Variants in ZNF385D observed in about 807,000 individuals in gnomAD.
The protein encoded by ZNF385D is zinc finger protein 659.
Under a neutral mutation model 35.8 loss-of-function variants are expected in ZNF385D, and 15 were observed. The observed-to-expected ratio is 0.42, with a 90% CI of 0.28 to 0.64. ZNF385D has a LOEUF of 0.64. ZNF385D is among the 30% of genes least tolerant of loss of function. The pLI is 0.23. For synonymous variants in ZNF385D, 212 were observed against 186.8 expected (o/e 1.13, Z -1.10); for missense variants, 474 against 494.6 (o/e 0.96, Z 0.39).
At chr3:21,749,210 A>G (rs773875441) in intron 1 of ZNF385D, among the ~76,000 whole-genome samples, 1 of 152,186 alleles carries the variant, frequency 6.6e-6, no homozygotes, top group Non-Finnish European at 1.5e-5. Flanking sequence ...GAAATTGATT[A>G]CCCTATGAAT....
At chr3:22,143,059 T>TTTTG (rs1421491512) in intron 3 of ZNF385D, among the ~76,000 whole-genome samples, 8 of 140,994 alleles carry the variant, frequency 5.7e-5, no homozygotes, top group African/African-American at 2.2e-4. Context: ...ATTAAATCGG[T>TTTTG]TGTGTGTGTG....
intron 3 of ZNF385D, among the ~76,000 whole-genome samples, chr3:22,066,364 G>T (rs547172191): frequency 1.7e-4 from 26 of 149,342 alleles, no homozygotes; most frequent in Non-Finnish European, 3.7e-4. Flanking sequence ...ATGGTTCCCT[G>T]TGTGTGTGTG....
chr3:21,609,741 G>C (rs889782096), intron 2 of ZNF385D, among the ~76,000 whole-genome samples: 7 of 152,192 alleles, frequency 4.6e-5, no homozygotes, highest in African/African-American at 1.7e-4. Context: ...TCAGGAAGCT[G>C]AAAGAGTGTG....
In ZNF385D at chr3:21,624,910, C is replaced by T. The variant is rs575035985; in HGVS notation, c.165+39976G>A. Among the ~76,000 whole-genome samples, 15 of 152,090 alleles carry T rather than the reference C, an allele frequency of 9.9e-5. No homozygotes were observed. In the East Asian group the frequency reaches 1.9e-3, roughly 20 times the overall value. ...TCTCCTTAGAGTGATCTGCCAAACCCGCCTTACCTTCATTCCCAGTCACAT... is the reference window on the plus strand; with the variant it reads ...TCTCCTTAGAGTGATCTGCCAAACCTGCCTTACCTTCATTCCCAGTCACAT... On this transcript the variant is annotated intron_variant, in intron 2 of 7. Transcript: ENST00000281523.
chr3:21,652,542 T>C (rs1346850453), intron 2 of ZNF385D, among the ~76,000 whole-genome samples: 1 of 152,160 alleles, frequency 6.6e-6, no homozygotes, highest in East Asian at 1.9e-4. Flanking sequence ...GTTACATATG[T>C]ATACATGTGC....
chr3:22,128,547 A>G (rs1703581854), intron 3 of ZNF385D, among the ~76,000 whole-genome samples: 2 of 152,002 alleles, frequency 1.3e-5, no homozygotes, highest in South Asian at 4.1e-4. Context: ...TAGATCTTGT[A>G]TGTGTGTCTT....
chr3:21,734,733 C>A (rs1334793734), intron 1 of ZNF385D, among the ~76,000 whole-genome samples: 1 of 152,064 alleles, frequency 6.6e-6, no homozygotes, highest in African/African-American at 2.4e-5. Context: ...TTGGACCCCA[C>A]GTGTCAGGAA....
chr3:22,288,123 C>T (rs961456362), intron 2 of ZNF385D, among the ~76,000 whole-genome samples: 2 of 152,024 alleles, frequency 1.3e-5, no homozygotes, highest in Admixed American at 6.6e-5. Context: ...AAAAAATCCA[C>T]TAATAGTTTT....
In ZNF385D at chr3:21,704,385, A is replaced by T. The variant is rs6784935; in HGVS notation, c.23-39357T>A. Among the ~76,000 whole-genome samples, 447 of 151,938 alleles carry T rather than the reference A, an allele frequency of 2.9e-3. 3 individuals carry two copies. Among genetic ancestry groups the T allele is most frequent in the African/African-American group, 0.01 (416 of 41,402 alleles). Reference sequence around the variant, plus strand: ...AACCCCCTCAGAGTCCCGAGCACACATTCCTGTAGTCACTGGGTTACCTGT... The same window carrying T: ...AACCCCCTCAGAGTCCCGAGCACACTTTCCTGTAGTCACTGGGTTACCTGT... On this transcript the variant is annotated intron_variant, in intron 1 of 7. Transcript: ENST00000281523.
At position 21,546,418 on chromosome 3, in the gene ZNF385D, A is replaced by G. The variant is rs568063389; in HGVS notation, c.276+18156T>C. ...AACCAAAGCCAAGCACCATTCACCC[A>G]AATCCCAGCAAGCCTAACTATAGCC... On this transcript the variant is annotated intron_variant, in intron 3 of 7. Transcript: ENST00000281523. 8.5e-5 allele frequency among the ~76,000 whole-genome samples: 13 copies of G among 152,186 alleles called. No homozygotes were observed. The South Asian group carries it at 2.7e-3, about 32-fold the overall frequency.
In ZNF385D at chr3:22,341,293, G is replaced by C. The variant is rs148735950; in HGVS notation, c.106+31157C>G. Among the ~76,000 whole-genome samples the C allele has an allele frequency of 1.2e-3, 187 of 152,258 alleles. 1 individual carries two copies. The highest frequency in any genetic ancestry group is 4.4e-3 in the African/African-American group (183 of 41,548). ...CACAGGCTAAATGTGCCTGCCACCT[G>C]CTTTTGTAAATAAACTTGTTTTGGG... On this transcript the variant is annotated intron_variant, in intron 2 of 5. Coordinates refer to the ZNF385D transcript ENST00000494108.
chr3:21,500,586 G>A (rs1575059641), intron 4 of ZNF385D, among the ~76,000 whole-genome samples: 1 of 152,304 alleles, frequency 6.6e-6, no homozygotes, highest in South Asian at 2.1e-4. Context: ...TTGTGCGTTA[G>A]CATGTGAAGT....
At chr3:21,821,944 T>C (rs1405074058) in intron 3 of ZNF385D, among the ~76,000 whole-genome samples, 2 of 133,096 alleles carry the variant, frequency 1.5e-5, no homozygotes, top group Non-Finnish European at 3.1e-5. Flanking sequence ...CCAGCCTGAA[T>C]GACAGAGGAA....
intron 3 of ZNF385D, among the ~76,000 whole-genome samples, chr3:21,546,932 G>A (rs1208459925): frequency 6.6e-6 from 1 of 152,024 alleles, no homozygotes; most frequent in Non-Finnish European, 1.5e-5. Flanking sequence ...AAGAGGGAAA[G>A]TGGACACTCT....
intron 3 of ZNF385D, among the ~76,000 whole-genome samples, chr3:21,896,539 C>G (rs1699146749): frequency 1.3e-5 from 2 of 152,078 alleles, no homozygotes; most frequent in Admixed American, 1.3e-4. Context: ...TTTTTTTCCC[C>G]CTGGTATATT....
intron 2 of ZNF385D, among the ~76,000 whole-genome samples, chr3:22,324,029 A>G (rs1311225525): frequency 1.3e-5 from 2 of 152,196 alleles, no homozygotes; most frequent in Non-Finnish European, 2.9e-5. Context: ...AGAAGGATTA[A>G]AAGATATCAT....
At chr3:21,692,542 C>G (rs2067316125) in intron 1 of ZNF385D, among the ~76,000 whole-genome samples, 1 of 152,200 alleles carries the variant, frequency 6.6e-6, no homozygotes, top group African/African-American at 2.4e-5. Context: ...TGCTTCTCAA[C>G]CCTCCTCTTC....
intron 2 of ZNF385D, among the ~76,000 whole-genome samples, chr3:22,263,607 G>T (rs1482245233): frequency 1.3e-5 from 2 of 151,900 alleles, no homozygotes; most frequent in East Asian, 3.9e-4. Flanking sequence ...CATTACAGTT[G>T]CATTCTCAAT....
chr3:21,680,940 T>A (rs2066879900), intron 1 of ZNF385D, among the ~76,000 whole-genome samples: 1 of 152,178 alleles, frequency 6.6e-6, no homozygotes, highest in Admixed American at 6.6e-5. Context: ...ATCGCAATGT[T>A]ACACACACAG....
Sources: allele counts gnomAD v4.1 joint callset (sites outside exome capture counted in the v4.1 genomes callset), GRCh38; gene constraint gnomAD v4.1.1; transcripts MANE v1.5; gene names NCBI Gene and HGNC (gene_info 2026-07-23, HGNC 2026-07-21).